ZNF423: variants seen among roughly 807,000 people sequenced by gnomAD.
ZNF423 encodes the protein Ebf-associated zinc finger protein.
In ZNF423, 12 loss-of-function variants were observed where a neutral mutation model predicts 95.8. The ratio of observed to expected loss-of-function variants is 0.13; its 90% CI spans 0.08 to 0.20. The LOEUF (loss-of-function observed/expected upper bound fraction) is 0.20, where lower values mean the gene tolerates loss of function less well. Ranked by LOEUF, ZNF423 falls within the 10% of genes least tolerant of loss-of-function variation. The pLI is 1.00. For synonymous variants in ZNF423, 749 were observed against 711.9 expected, an observed-to-expected ratio of 1.05 and a Z score of -0.83; for missense variants, 1,316 against 1,737.1, an observed-to-expected ratio of 0.76 and a Z score of 4.31.
intron 1 of ZNF423, among the ~76,000 whole-genome samples, chr16:49,798,946 A>G (rs890355830): frequency 6.6e-6 from 1 of 152,244 alleles, no homozygotes; most frequent in Admixed American, 6.5e-5. Context: ...GAATTCCAAA[A>G]AGTAAATTCA....
intron 3 of ZNF423, among the ~76,000 whole-genome samples, chr16:49,716,879 T>C (rs17281813): frequency 0.26 from 39,080 of 152,152 alleles, 6,113 homozygotes; most frequent in Non-Finnish European, 0.34. Flanking sequence ...CAGCGGGAGA[T>C]AAATTTGGTT....
At chr16:49,788,462 T>A (rs1433341683) in intron 2 of ZNF423, among the ~76,000 whole-genome samples, 2 of 152,240 alleles carry the variant, frequency 1.3e-5, no homozygotes, top group African/African-American at 2.4e-5. Context: ...ATACCACACA[T>A]TAGACACATA....
At chr16:49,771,365 T>C (rs916423714) in intron 2 of ZNF423, among the ~76,000 whole-genome samples, 4 of 151,834 alleles carry the variant, frequency 2.6e-5, no homozygotes, top group Admixed American at 2.0e-4. Flanking sequence ...CCACCAAACC[T>C]GGCTAATTTT....
chr16:49,830,331 T>C (rs1293489345), intron 1 of ZNF423, among the ~76,000 whole-genome samples: 1 of 152,006 alleles, frequency 6.6e-6, no homozygotes, highest in Non-Finnish European at 1.5e-5. Context: ...TCCCATGACA[T>C]GAGGGAGATG....
At chr16:49,518,060 A>T (rs1968227590) in intron 7 of ZNF423, 10 of 451,948 alleles carry the variant, frequency 2.2e-5, no homozygotes, top group South Asian at 1.6e-4. Context: ...CACAATCTGG[A>T]GGAGCATAAC....
At chr16:49,731,839 G>T (rs1192210119) in intron 2 of ZNF423, among the ~76,000 whole-genome samples, 1 of 152,022 alleles carries the variant, frequency 6.6e-6, no homozygotes, top group Non-Finnish European at 1.5e-5. Flanking sequence ...TGTCACCTGT[G>T]ACCTGGTACA....
At chr16:49,555,942 C>T (rs189517537) in intron 5 of ZNF423, among the ~76,000 whole-genome samples, 1 of 152,074 alleles carries the variant, frequency 6.6e-6, no homozygotes, top group South Asian at 2.1e-4. Flanking sequence ...TGCCTCCTTT[C>T]CTTAACCCAA....
At chr16:49,821,174 A>C (rs1288636181) in intron 1 of ZNF423, among the ~76,000 whole-genome samples, 1 of 152,116 alleles carries the variant, frequency 6.6e-6, no homozygotes, top group Non-Finnish European at 1.5e-5. Flanking sequence ...CTGAACAAGA[A>C]AAAAAAGAAA....
At chr16:49,835,342 C>T (rs1199425682) in intron 1 of ZNF423, among the ~76,000 whole-genome samples, 1 of 152,186 alleles carries the variant, frequency 6.6e-6, no homozygotes, top group East Asian at 1.9e-4. Flanking sequence ...CCAGACTCAG[C>T]AGGACTGTGG....
At chr16:49,688,151 G>A (rs2031641235) in intron 3 of ZNF423, among the ~76,000 whole-genome samples, 1 of 147,838 alleles carries the variant, frequency 6.8e-6, no homozygotes, top group Non-Finnish European at 1.5e-5. Flanking sequence ...TGGGGCAGCA[G>A]ATCAAACCTG....
chr16:49,757,260 C>T (rs1161970109), intron 2 of ZNF423, among the ~76,000 whole-genome samples: 1 of 152,172 alleles, frequency 6.6e-6, no homozygotes, highest in Non-Finnish European at 1.5e-5. Flanking sequence ...ATTGGAGATT[C>T]CATAGGTTCG....
Position 49,636,161 on chromosome 16 carries a change from C to T in ZNF423, c.3015G>A (p.Leu1005=). Residue 1005 remains leucine (L), a synonymous_variant, in exon 4 of 8, where the codon CTG becomes CTA. Transcript: ENST00000563137. This position sits in a 1 kb window ranked among gnomAD's most constrained non-coding sequence, Gnocchi z 8.6. ...GCTCAATAAACTCCTCCTCGCTCTG[C>T]AGGGGCATCTTGCAGATGCGACAGG... ...TGTCRICKMP[L]QSEEEFIEHC... is the part of the protein sequence containing the mutation. 1.2e-6 allele frequency: 2 copies of T among 1,613,760 alleles called. No homozygotes were observed. The highest frequency in any genetic ancestry group is 8.5e-7 in the Non-Finnish European group (1 of 1,180,034).
intron 3 of ZNF423, among the ~76,000 whole-genome samples, chr16:49,657,313 C>T (rs533550974): frequency 6.6e-6 from 1 of 152,362 alleles, no homozygotes; most frequent in South Asian, 2.1e-4. Context: ...AAAACACTCC[C>T]TGTCTCCAGC....
intron 5 of ZNF423, among the ~76,000 whole-genome samples, chr16:49,538,811 C>T (rs1168748612): frequency 6.6e-6 from 1 of 152,234 alleles, no homozygotes; most frequent in Admixed American, 6.5e-5. Flanking sequence ...GTTTTCGTTG[C>T]ACCCAAGTTA....
At chr16:49,730,452 A>C (rs2033134955) in intron 3 of ZNF423, 2 of 390,670 alleles carry the variant, frequency 5.1e-6, no homozygotes, top group Non-Finnish European at 9.3e-6. Context: ...CCTCTTAATT[A>C]CTGCGTTTCC....
chr16:49,589,262 TCAGA>T (rs1183079988), intron 5 of ZNF423, among the ~76,000 whole-genome samples: 12 of 152,138 alleles, frequency 7.9e-5, no homozygotes, highest in Non-Finnish European at 2.9e-5. Flanking sequence ...CCAACCAAAA[TCAGA>T]CAAAGAGATA....
chr16:49,682,169 G>C (rs2031387645), intron 3 of ZNF423, among the ~76,000 whole-genome samples: 1 of 151,896 alleles, frequency 6.6e-6, no homozygotes, highest in South Asian at 2.1e-4. Flanking sequence ...TGCTCTCCCA[G>C]AGGGTCTGTC....
At chr16:49,668,933 T>C (rs1567278859) in intron 3 of ZNF423, among the ~76,000 whole-genome samples, 1 of 152,304 alleles carries the variant, frequency 6.6e-6, no homozygotes, top group Non-Finnish European at 1.5e-5. Flanking sequence ...CTTCCTTACT[T>C]GAGGACTGAA....
At chr16:49,623,126 G>A (rs140999900) in intron 5 of ZNF423, among the ~76,000 whole-genome samples, 7 of 152,152 alleles carry the variant, frequency 4.6e-5, no homozygotes, top group African/African-American at 9.7e-5. Context: ...GTTCCATGCC[G>A]CAGTGAACTG....
Sources: allele counts gnomAD v4.1 joint callset (sites outside exome capture counted in the v4.1 genomes callset), GRCh38; gene constraint gnomAD v4.1.1; non-coding constraint Gnocchi (gnomAD v3.1); transcripts MANE v1.5; gene names NCBI Gene and HGNC (gene_info 2026-07-23, HGNC 2026-07-21).